Variants in TGFB2 observed in about 807,000 individuals in gnomAD.
TGFB2 encodes the protein transforming growth factor beta-2 proprotein.
TGFB2 carries 13 observed loss-of-function variants against 42.7 expected under a neutral mutation model. The ratio of observed to expected loss-of-function variants is 0.30; its 90% CI spans 0.20 to 0.48. The LOEUF is 0.48. TGFB2 is among the 20% of genes least tolerant of loss of function. TGFB2 has a pLI of 0.99. For missense variants in TGFB2, 390 were observed against 517.5 expected, an observed-to-expected ratio of 0.75 and a Z score of 2.39; for synonymous variants, 193 against 193.6, an observed-to-expected ratio of 1.00 and a Z score of 0.03.
chr1:218,434,503 C>A, intron 4 of TGFB2, 55 bp downstream of exon 4: 1 of 1,107,870 alleles, frequency 9.0e-7, no homozygotes, highest in Non-Finnish European at 1.4e-6. Context: ...TATTGATAAT[C>A]TCATGGGGGA....
At chr1:218,397,032 C>A (rs559111413) in intron 1 of TGFB2, among the ~76,000 whole-genome samples, 21 of 152,086 alleles carry the variant, frequency 1.4e-4, no homozygotes, top group African/African-American at 4.8e-4. Context: ...CTTTGGGAGG[C>A]GGAGGCAGTG....
At chr1:218,426,055 C>T (rs950977618) in intron 2 of TGFB2, among the ~76,000 whole-genome samples, 31 of 152,172 alleles carry the variant, frequency 2.0e-4, no homozygotes, top group African/African-American at 7.5e-4. Flanking sequence ...GCGTTAAAAA[C>T]ATTAAATGCA....
At chr1:218,347,858 C>A (rs1656741158) in intron 1 of TGFB2, among the ~76,000 whole-genome samples, 1 of 152,036 alleles carries the variant, frequency 6.6e-6, no homozygotes, top group African/African-American at 2.4e-5. Flanking sequence ...GGTCTGTTAT[C>A]CTGCTCCTGC....
rs573234676 is a variant in TGFB2, at chr1:218,372,294, T to C, written c.346+25247T>C. Among the ~76,000 whole-genome samples, 3 of 152,306 alleles carry C rather than the reference T, an allele frequency of 2.0e-5. No individual in the cohort carries two copies. The South Asian group carries it at 6.2e-4, about 32-fold the overall frequency. Reference sequence around the variant, plus strand: ...TTTGTCAACCGACTGGAGTCTAAATTGGTTTTGGATCCCTCTGAAATCTAA... The same window carrying C: ...TTTGTCAACCGACTGGAGTCTAAATCGGTTTTGGATCCCTCTGAAATCTAA... On this transcript the variant is annotated intron_variant, in intron 1 of 6. Transcript: ENST00000366930.
At chr1:218,375,037 A>ATT (rs898396951) in intron 1 of TGFB2, among the ~76,000 whole-genome samples, 2 of 151,766 alleles carry the variant, frequency 1.3e-5, no homozygotes, top group African/African-American at 4.8e-5. Flanking sequence ...TCAAAAAAAG[A>ATT]TTTTTTTTTA....
At chr1:218,412,028 C>T (rs910570889) in intron 2 of TGFB2, among the ~76,000 whole-genome samples, 5 of 152,186 alleles carry the variant, frequency 3.3e-5, no homozygotes, top group Non-Finnish European at 7.3e-5. Flanking sequence ...CATCTTTAAT[C>T]TTGGAACACT....
At chr1:218,371,066 C>T (rs1379929728) in intron 1 of TGFB2, among the ~76,000 whole-genome samples, 2 of 152,020 alleles carry the variant, frequency 1.3e-5, no homozygotes, top group East Asian at 1.9e-4. Flanking sequence ...TTGGAAGGCC[C>T]GGTGGGAGGA....
chr1:218,438,649 G>A (rs1215622991), intron 6 of TGFB2, among the ~76,000 whole-genome samples: 1 of 152,114 alleles, frequency 6.6e-6, no homozygotes, highest in African/African-American at 2.4e-5. Flanking sequence ...AATGAAGACA[G>A]AGTTGATTCA....
intron 1 of TGFB2, among the ~76,000 whole-genome samples, chr1:218,383,700 C>T (rs1055038774): frequency 6.6e-6 from 1 of 152,188 alleles, no homozygotes; most frequent in African/African-American, 2.4e-5. Flanking sequence ...TTTCACACAG[C>T]TACGTGGCGA....
chr1:218,350,493 T>C (rs771647259), intron 1 of TGFB2, among the ~76,000 whole-genome samples: 1 of 152,236 alleles, frequency 6.6e-6, no homozygotes, highest in Non-Finnish European at 1.5e-5. Flanking sequence ...ATGTCAGTAA[T>C]GCCTCTGTTG....
intron 1 of TGFB2, among the ~76,000 whole-genome samples, chr1:218,392,331 C>T (rs766347038): frequency 2.6e-5 from 4 of 152,100 alleles, no homozygotes; most frequent in African/African-American, 9.7e-5. Flanking sequence ...CCAGCCTGGA[C>T]GACAGAGCAA....
intron 1 of TGFB2, among the ~76,000 whole-genome samples, chr1:218,358,102 A>G (rs757787281): frequency 2.0e-5 from 3 of 152,212 alleles, no homozygotes; most frequent in Non-Finnish European, 2.9e-5. Context: ...AAGAATCCTT[A>G]TTTGTTACTT....
At chr1:218,357,076 G>T (rs768265086) in intron 1 of TGFB2, among the ~76,000 whole-genome samples, 1 of 152,130 alleles carries the variant, frequency 6.6e-6, no homozygotes, top group Non-Finnish European at 1.5e-5. Flanking sequence ...GCCGGGCATG[G>T]TGGTAGGCGC....
intron 1 of TGFB2, among the ~76,000 whole-genome samples, chr1:218,388,823 T>C (rs1250708257): frequency 1.2e-4 from 18 of 152,180 alleles, no homozygotes; most frequent in Admixed American, 1.2e-3. Context: ...CTTGTCAGAG[T>C]ATCAGTGCCA....
At position 218,346,235 on chromosome 1, in the gene TGFB2, G is replaced by C. The variant is rs1656671362; in HGVS notation, c.-467G>C. ...CGGCCCCCCTCACCGCGCTCCCGGC[G>C]CCCCTCCCGTCAGTTCGCCAGCTGC... On this transcript the variant is annotated 5_prime_UTR_variant, in exon 1 of 7. Transcript: ENST00000366930. This position sits in a 1 kb window ranked among gnomAD's most constrained non-coding sequence, Gnocchi z 4.9. 1 of 155,032 alleles carries C rather than the reference G, an allele frequency of 6.5e-6. No individual in the cohort carries two copies. The highest frequency in any genetic ancestry group is 2.0e-4 in the South Asian group (1 of 4,970). The allele number at this position is 155,032 out of a possible 1,614,324, so 9.6% of individuals were successfully genotyped here.
intron 1 of TGFB2, among the ~76,000 whole-genome samples, chr1:218,358,038 G>T (rs1350487084): frequency 1.3e-5 from 2 of 152,200 alleles, no homozygotes; most frequent in African/African-American, 4.8e-5. Flanking sequence ...TACCACATCT[G>T]TCTTGACAAG....
chr1:218,406,130 A>T (rs1658902690), intron 2 of TGFB2, among the ~76,000 whole-genome samples: 2 of 150,654 alleles, frequency 1.3e-5, no homozygotes, highest in South Asian at 4.2e-4. Flanking sequence ...TCTCTTTATT[A>T]ACTTTATCCC....
At chr1:218,425,249 G>A (rs148310385) in intron 2 of TGFB2, among the ~76,000 whole-genome samples, 8 of 151,928 alleles carry the variant, frequency 5.3e-5, no homozygotes, top group African/African-American at 1.7e-4. Context: ...GCTCCATCAC[G>A]GAGGCTGGAG....
intron 1 of TGFB2, among the ~76,000 whole-genome samples, chr1:218,369,142 C>A (rs1358837011): frequency 6.6e-6 from 1 of 151,734 alleles, no homozygotes; most frequent in East Asian, 1.9e-4. Flanking sequence ...GTAGTCCCAG[C>A]TACTCAGGAG....
Sources: gnomAD v4.1 joint callset for allele counts (sites outside exome capture counted in the v4.1 genomes callset) on GRCh38, gnomAD v4.1.1 for gene constraint, Gnocchi (gnomAD v3.1) non-coding constraint, MANE v1.5 for transcripts, NCBI Gene and HGNC (gene_info 2026-07-23, HGNC 2026-07-21) for gene names.